RALGAPA1: variants seen among roughly 807,000 people sequenced by gnomAD.
The protein encoded by RALGAPA1 is ral GTPase-activating protein subunit alpha-1.
In RALGAPA1, 52 loss-of-function variants were observed where a neutral mutation model predicts 269.6. The observed-to-expected ratio is 0.19, with a 90% confidence interval of 0.15 to 0.24. The LOEUF is 0.24. Among genes scored for constraint, RALGAPA1 ranks in the 10% least tolerant of loss-of-function variants. The pLI is 1.00. For synonymous variants in RALGAPA1, 817 were observed against 1,008.3 expected (o/e 0.81, Z 3.60); for missense variants, 1,917 against 3,013.9 (o/e 0.64, Z 8.52).
At chr14:35,559,787 T>C (rs532201287) in intron 39 of RALGAPA1, among the ~76,000 whole-genome samples, 4 of 152,346 alleles carry the variant, frequency 2.6e-5, no homozygotes, top group African/African-American at 9.6e-5. Context: ...AAGTACTTTA[T>C]TCATCAATAA....
At chr14:35,547,067 C>A (rs927712431) in intron 41 of RALGAPA1, among the ~76,000 whole-genome samples, 2 of 152,004 alleles carry the variant, frequency 1.3e-5, no homozygotes, top group African/African-American at 2.4e-5. Flanking sequence ...AGCAAAAACA[C>A]CCTTTTGAAA....
chr14:35,766,942 C>A (rs2141435623), intron 4 of RALGAPA1: 2 of 390,280 alleles, frequency 5.1e-6, no homozygotes, highest in East Asian at 1.3e-4. Flanking sequence ...AAGCGTTGCC[C>A]ACAGGGCTGC....
At chr14:35,772,093 T>A (rs566893243) in intron 3 of RALGAPA1, among the ~76,000 whole-genome samples, 1 of 152,272 alleles carries the variant, frequency 6.6e-6, no homozygotes, top group South Asian at 2.1e-4. Flanking sequence ...TTTCACCCTT[T>A]CACCCTGGCT....
chr14:35,661,653 C>G (rs1307328020), intron 27 of RALGAPA1, among the ~76,000 whole-genome samples: 4 of 152,244 alleles, frequency 2.6e-5, no homozygotes, highest in Admixed American at 2.6e-4. Flanking sequence ...TTCATACATT[C>G]ATTCAATAAG....
At position 35,748,528 on chromosome 14, in the gene RALGAPA1, T is replaced by C. The variant is rs951346974; in HGVS notation, c.1251+57A>G. 121 of 1,517,518 alleles carry C rather than the reference T, an allele frequency of 8.0e-5. 1 individual carries two copies. The Middle Eastern group carries it at 8.8e-4, about 11-fold the overall frequency. The allele number at this position is 1,517,518 out of a possible 1,614,324, so 94.0% of individuals were successfully genotyped here. A position where few individuals can be genotyped will look rare whatever the true frequency, so the allele number is the denominator to read the frequency against. ...TGTTCCCAGCTAAAAATCAGTATGTTTAATATTAAAGATAAAAGCCTTCCT... is the reference window on the plus strand; with the variant it reads ...TGTTCCCAGCTAAAAATCAGTATGTCTAATATTAAAGATAAAAGCCTTCCT... On this transcript the variant is annotated intron_variant, in intron 10 of 41. Coordinates refer to ENST00000680220, the MANE Select transcript of RALGAPA1 (RefSeq NM_001346249.2).
chr14:35,679,357 G>GGTAAC (rs1385552889), intron 21 of RALGAPA1, among the ~76,000 whole-genome samples: 1 of 152,074 alleles, frequency 6.6e-6, no homozygotes, highest in Non-Finnish European at 1.5e-5. Flanking sequence ...ACTTATGATG[G>GGTAAC]GGTTACACCC....
At position 35,539,448 on chromosome 14, in the gene RALGAPA1, A is replaced by G; in HGVS notation, c.*266T>C. The G allele has an allele frequency of 3.4e-6, 4 of 1,175,394 alleles. No homozygotes were observed. Among genetic ancestry groups the G allele is most frequent in the Non-Finnish European group, 4.5e-6 (4 of 885,472 alleles). The allele number at this position is 1,175,394 out of a possible 1,614,324, so 72.8% of individuals were successfully genotyped here. On this transcript the variant is annotated 3_prime_UTR_variant, in exon 42 of 42. Transcript: ENST00000680220. ...CTCAAATAAATGTACAGGAAGAAAC[A>G]TGCATGTTATGGCAGACATGAAGGC...
chr14:35,680,847 C>A (rs1032049200), intron 21 of RALGAPA1, among the ~76,000 whole-genome samples: 7 of 151,930 alleles, frequency 4.6e-5, no homozygotes, highest in African/African-American at 2.4e-5. Context: ...ATCTCCTGAC[C>A]TCGTGATCCA....
At chr14:35,786,295 G>C (rs1371343749) in intron 1 of RALGAPA1, among the ~76,000 whole-genome samples, 1 of 152,142 alleles carries the variant, frequency 6.6e-6, no homozygotes, top group Non-Finnish European at 1.5e-5. Flanking sequence ...AAAAAGTAGA[G>C]TGATACAGTC....
chr14:35,557,033 CTGATT>C (rs1330295712), intron 39 of RALGAPA1, among the ~76,000 whole-genome samples: 1 of 151,388 alleles, frequency 6.6e-6, no homozygotes, highest in African/African-American at 2.4e-5. Flanking sequence ...AAAATCCTTC[CTGATT>C]TAATAATCCA....
At chr14:35,603,445 CACTT>C (rs1220285129) in intron 36 of RALGAPA1, among the ~76,000 whole-genome samples, 1 of 152,094 alleles carries the variant, frequency 6.6e-6, no homozygotes, top group Non-Finnish European at 1.5e-5. Context: ...TTAAATAACT[CACTT>C]AAGGTAAAAC....
At chr14:35,760,792 T>G in intron 6 of RALGAPA1, 37 bp downstream of exon 6, 3 of 1,536,032 alleles carry the variant, frequency 2.0e-6, no homozygotes, top group East Asian at 4.5e-5. Flanking sequence ...CATAGAGAGC[T>G]TAAACCTACT....
At chr14:35,632,244 G>A (rs1005990144) in intron 33 of RALGAPA1, among the ~76,000 whole-genome samples, 2 of 152,148 alleles carry the variant, frequency 1.3e-5, no homozygotes, top group African/African-American at 4.8e-5. Context: ...ATACAAAGAA[G>A]ACATGAAATT....
chr14:35,792,974 A>C (rs915368157), intron 1 of RALGAPA1, among the ~76,000 whole-genome samples: 5 of 151,962 alleles, frequency 3.3e-5, no homozygotes, highest in African/African-American at 1.2e-4. Flanking sequence ...AAACTAAAGA[A>C]ATGATGGTAA....
chr14:35,794,033 A>G (rs2076380418), intron 1 of RALGAPA1, among the ~76,000 whole-genome samples: 1 of 152,330 alleles, frequency 6.6e-6, no homozygotes, highest in African/African-American at 2.4e-5. Context: ...ATAAATATAT[A>G]AAGTAGTTCA....
chr14:35,677,642 A>G, intron 22 of RALGAPA1: 1 of 275,714 alleles, frequency 3.6e-6, no homozygotes, highest in South Asian at 4.1e-5. Flanking sequence ...AAGAATAAGG[A>G]TGCCAAATTA....
At chr14:35,593,576 T>C (rs918753144) in intron 37 of RALGAPA1, among the ~76,000 whole-genome samples, 1 of 152,062 alleles carries the variant, frequency 6.6e-6, no homozygotes, top group Non-Finnish European at 1.5e-5. Context: ...TTTAAAATTA[T>C]ATTACAGGCT....
At chr14:35,663,198 T>C (rs896287516) in intron 27 of RALGAPA1, among the ~76,000 whole-genome samples, 1 of 152,092 alleles carries the variant, frequency 6.6e-6, no homozygotes, top group Non-Finnish European at 1.5e-5. Flanking sequence ...GGCCTAAAAA[T>C]TGATTTCTGA....
At chr14:35,613,803 C>G (rs1040692414) in intron 35 of RALGAPA1, among the ~76,000 whole-genome samples, 4 of 152,166 alleles carry the variant, frequency 2.6e-5, no homozygotes, top group African/African-American at 9.7e-5. Flanking sequence ...AAATTGCACT[C>G]TGAGTTTCAG....
Sources: allele counts gnomAD v4.1 joint callset (sites outside exome capture counted in the v4.1 genomes callset), GRCh38; gene constraint gnomAD v4.1.1; transcripts MANE v1.5; gene names NCBI Gene and HGNC (gene_info 2026-07-23, HGNC 2026-07-21).